TNFSF4: variants seen among roughly 807,000 people sequenced by gnomAD.
TNFSF4 encodes TNF superfamily member 4.
TNFSF4 carries 4 observed loss-of-function variants against 7.3 expected under a neutral mutation model. The observed-to-expected ratio is 0.55, with a 90% CI of 0.27 to 1.25. The LOEUF is 1.25. Ranked by LOEUF, TNFSF4 falls within the 50% of genes most tolerant of loss-of-function variation. The pLI is 0.12. For missense variants in TNFSF4, 181 were observed against 208.8 expected (o/e 0.87, Z 0.82); for synonymous variants, 76 against 83.7 (o/e 0.91, Z 0.50).
the TNFSF4 span, among the ~76,000 whole-genome samples, chr1:173,409,872 C>T: frequency 2.6e-5 from 4 of 152,172 alleles, no homozygotes; most frequent in East Asian, 1.9e-4. Context: ...TCTGAGTGCA[C>T]GGGTGTAAGT....
chr1:173,257,077 A>C, the TNFSF4 span, among the ~76,000 whole-genome samples: 1 of 152,236 alleles, frequency 6.6e-6, no homozygotes, highest in African/African-American at 2.4e-5. Context: ...ATGAGCCCAG[A>C]TCTCCCTCTC....
chr1:173,273,351 A>T, the TNFSF4 span, among the ~76,000 whole-genome samples: 3 of 152,136 alleles, frequency 2.0e-5, no homozygotes, highest in Non-Finnish European at 4.4e-5. Context: ...CTGATGTCTT[A>T]TTCTTCCTAG....
chr1:173,356,235 G>A, the TNFSF4 span, among the ~76,000 whole-genome samples: 1 of 152,192 alleles, frequency 6.6e-6, no homozygotes, highest in Non-Finnish European at 1.5e-5. Context: ...AGAATTTCCA[G>A]TGAGGAACTC....
chr1:173,207,860 A>G (rs1265506720), upstream of TNFSF4, among the ~76,000 whole-genome samples: 1 of 152,194 alleles, frequency 6.6e-6, no homozygotes, highest in Non-Finnish European at 1.5e-5. Flanking sequence ...TTTTGGAAGC[A>G]TTTACTATGT....
chr1:173,430,595 C>T, the TNFSF4 span, among the ~76,000 whole-genome samples: 92,325 of 152,042 alleles, frequency 0.61, 29,946 homozygotes, highest in South Asian at 0.78. Context: ...CATTCTCTAA[C>T]AGATTCTTTG....
rs368426337 is a variant in TNFSF4 at position 173,207,221 on chromosome 1, A to G, written c.-45T>C. On this transcript the variant is annotated 5_prime_UTR_variant, in exon 1 of 3. Coordinates refer to ENST00000281834, the MANE Select transcript of TNFSF4 (RefSeq NM_003326.5). Reference sequence around the variant, plus strand: ...GGAAGATGAAGATATGGAAAAGGGGAACGTGCGATAAAACTGAAGTTTTCC... The same window carrying G: ...GGAAGATGAAGATATGGAAAAGGGGGACGTGCGATAAAACTGAAGTTTTCC... The G allele has an allele frequency of 2.1e-5, 33 of 1,560,944 alleles. No homozygotes were observed. The highest frequency in any genetic ancestry group is 2.7e-5 in the African/African-American group (2 of 73,660).
At chr1:173,360,178 G>C in the TNFSF4 span, among the ~76,000 whole-genome samples, 2 of 152,174 alleles carry the variant, frequency 1.3e-5, no homozygotes, top group South Asian at 4.1e-4. Flanking sequence ...CATCTCCTTT[G>C]TTTGGATGCT....
chr1:173,280,634 G>A, the TNFSF4 span, among the ~76,000 whole-genome samples: 1 of 151,890 alleles, frequency 6.6e-6, no homozygotes, highest in Non-Finnish European at 1.5e-5. Flanking sequence ...CTTTCTCTCC[G>A]GCCCTCATTT....
At chr1:173,252,248 A>G in the TNFSF4 span, among the ~76,000 whole-genome samples, 1 of 152,160 alleles carries the variant, frequency 6.6e-6, no homozygotes, top group Admixed American at 6.5e-5. Flanking sequence ...GAGGGAGGGA[A>G]AAAATAAAGT....
the TNFSF4 span, among the ~76,000 whole-genome samples, chr1:173,397,024 G>A: frequency 6.6e-6 from 1 of 152,210 alleles, no homozygotes; most frequent in African/African-American, 2.4e-5. Context: ...CCAAAGACAA[G>A]GTGGGCATGG....
chr1:173,205,020 T>C (rs375332362), intron 1 of TNFSF4, among the ~76,000 whole-genome samples: 17 of 152,230 alleles, frequency 1.1e-4, no homozygotes, highest in African/African-American at 4.1e-4. Context: ...ATCTATGCTA[T>C]CCTTCTCATA....
At chr1:173,283,024 A>G in the TNFSF4 span, among the ~76,000 whole-genome samples, 9 of 152,298 alleles carry the variant, frequency 5.9e-5, no homozygotes, top group African/African-American at 2.2e-4. Flanking sequence ...ATTCTGTCCC[A>G]GATCTATCAG....
At chr1:173,361,892 C>T in the TNFSF4 span, among the ~76,000 whole-genome samples, 1 of 152,182 alleles carries the variant, frequency 6.6e-6, no homozygotes, top group Non-Finnish European at 1.5e-5. Flanking sequence ...AAAGGTTTGA[C>T]ATGCCTAGTG....
chr1:173,208,981 A>G (rs142316134), upstream of TNFSF4, among the ~76,000 whole-genome samples: 3 of 152,196 alleles, frequency 2.0e-5, no homozygotes, highest in African/African-American at 7.2e-5. Flanking sequence ...ATAAACATTT[A>G]CCATGCACAT....
the TNFSF4 span, among the ~76,000 whole-genome samples, chr1:173,428,077 C>G: frequency 6.6e-6 from 1 of 151,902 alleles, no homozygotes; most frequent in African/African-American, 2.4e-5. Flanking sequence ...TCCCAAGCAG[C>G]TGGGATTACA....
chr1:173,448,846 T>C, the TNFSF4 span, among the ~76,000 whole-genome samples: 1 of 152,216 alleles, frequency 6.6e-6, no homozygotes, highest in African/African-American at 2.4e-5. Flanking sequence ...ATGGCTTGGC[T>C]TGGGCTCAGA....
the TNFSF4 span, among the ~76,000 whole-genome samples, chr1:173,314,777 G>C: frequency 1.3e-5 from 2 of 152,142 alleles, no homozygotes; most frequent in Non-Finnish European, 2.9e-5. Context: ...CTTGTAGAGA[G>C]AGACACAGAG....
chr1:173,180,037 C>T (rs1235636943), downstream of TNFSF4, among the ~76,000 whole-genome samples: 2 of 152,162 alleles, frequency 1.3e-5, no homozygotes, highest in Non-Finnish European at 2.9e-5. Flanking sequence ...AGTAGACCAT[C>T]CCATTTTTTT....
chr1:173,238,323 T>C, the TNFSF4 span, among the ~76,000 whole-genome samples: 1 of 152,176 alleles, frequency 6.6e-6, no homozygotes, highest in Non-Finnish European at 1.5e-5. Flanking sequence ...GGTGATACCA[T>C]GCTGGACATA....
Sources: allele counts gnomAD v4.1 joint callset (sites outside exome capture counted in the v4.1 genomes callset), GRCh38; gene constraint gnomAD v4.1.1; transcripts MANE v1.5; gene names NCBI Gene and HGNC (gene_info 2026-07-23, HGNC 2026-07-21).